FNBP1: variants seen among roughly 807,000 people sequenced by gnomAD.
The protein encoded by FNBP1 is formin binding protein 1, also known as formin-binding protein 1.
FNBP1 carries 26 observed loss-of-function variants against 90.6 expected under a neutral mutation model. The observed-to-expected ratio is 0.29, with a 90% CI of 0.21 to 0.40. The LOEUF (loss-of-function observed/expected upper bound fraction) is 0.40. Ranked by LOEUF, FNBP1 falls within the 10% of genes least tolerant of loss-of-function variation. The pLI is 1.00. For missense variants in FNBP1, 635 were observed against 768.0 expected (o/e 0.83, Z 2.05); for synonymous variants, 260 against 265.2 (o/e 0.98, Z 0.19).
chr9:129,891,925 G>A (rs1322198824), intron 16 of FNBP1, among the ~76,000 whole-genome samples: 1 of 152,064 alleles, frequency 6.6e-6, no homozygotes, highest in Non-Finnish European at 1.5e-5. Flanking sequence ...AGATACGAGG[G>A]TACAACTAAA....
intron 1 of FNBP1, among the ~76,000 whole-genome samples, chr9:130,005,406 A>G (rs2055539107): frequency 7.1e-6 from 1 of 140,028 alleles, no homozygotes; most frequent in Admixed American, 7.5e-5. Context: ...CAGTGGTGCG[A>G]TCTCAGCTCA....
intron 1 of FNBP1, among the ~76,000 whole-genome samples, chr9:129,996,425 T>G (rs956505587): frequency 6.6e-6 from 1 of 151,934 alleles, no homozygotes; most frequent in African/African-American, 2.4e-5. Flanking sequence ...CCATGGAAAA[T>G]TTGCTGCCTC....
At chr9:129,905,654 C>G (rs574513631) in intron 12 of FNBP1, among the ~76,000 whole-genome samples, 1 of 147,844 alleles carries the variant, frequency 6.8e-6, no homozygotes, top group African/African-American at 2.4e-5. Context: ...TTTCCGACTT[C>G]TTGAGATAGA....
At chr9:130,000,438 C>T (rs1288936380) in intron 1 of FNBP1, among the ~76,000 whole-genome samples, 2 of 151,914 alleles carry the variant, frequency 1.3e-5, no homozygotes, top group Non-Finnish European at 2.9e-5. Context: ...TTGCTGATCT[C>T]GGCTGAGCTG....
At chr9:129,897,781 A>G (rs2036049485) in intron 15 of FNBP1, among the ~76,000 whole-genome samples, 1 of 151,854 alleles carries the variant, frequency 6.6e-6, no homozygotes, top group Non-Finnish European at 1.5e-5. Context: ...AACGCTCTGC[A>G]GGACATCGTT....
intron 1 of FNBP1, among the ~76,000 whole-genome samples, chr9:130,021,502 G>A (rs2057821220): frequency 6.6e-6 from 1 of 152,160 alleles, no homozygotes; most frequent in South Asian, 2.1e-4. Context: ...ACTAAATACT[G>A]GTTTTAGTAG....
chr9:129,996,996 G>A (rs2054105876), intron 1 of FNBP1, among the ~76,000 whole-genome samples: 1 of 151,820 alleles, frequency 6.6e-6, no homozygotes, highest in South Asian at 2.1e-4. Context: ...CCTCCGGCCG[G>A]CCTGTTTTTT....
Position 129,957,100 on chromosome 9 carries a change from T to G in FNBP1, c.513+260A>C, listed in dbSNP as rs1227091376. Among the ~76,000 whole-genome samples the G allele has an allele frequency of 1.3e-5, 2 of 150,098 alleles. No homozygotes were observed. Among genetic ancestry groups the G allele is most frequent in the Non-Finnish European group, 3.0e-5 (2 of 67,510 alleles). ...TTACCCAGGCTGGAGTGCAGTGGCG[T>G]GATCTTGGCTCACTGCAGCCAACGC... On this transcript the variant is annotated intron_variant, in intron 6 of 16. Transcript: ENST00000446176. The surrounding 1 kb of genome is among the most constrained non-coding windows in gnomAD (Gnocchi z 4.3).
intron 5 of FNBP1, among the ~76,000 whole-genome samples, chr9:129,958,079 T>C (rs1486031326): frequency 6.6e-6 from 1 of 152,216 alleles, no homozygotes; most frequent in Non-Finnish European, 1.5e-5. Flanking sequence ...TTTATGTGCA[T>C]GTTTTTTACT....
At chr9:130,008,729 C>T (rs998508705) in intron 1 of FNBP1, among the ~76,000 whole-genome samples, 1 of 152,146 alleles carries the variant, frequency 6.6e-6, no homozygotes, top group Non-Finnish European at 1.5e-5. Context: ...TGGTCTCTTT[C>T]CCAAGCTTGA....
chr9:130,020,438 G>T (rs573509680), intron 1 of FNBP1, among the ~76,000 whole-genome samples: 8 of 152,200 alleles, frequency 5.3e-5, no homozygotes, highest in Admixed American at 3.9e-4. Flanking sequence ...TCGAACTCCT[G>T]GTCTCAAGTG....
chr9:129,999,785 T>C (rs1388560332), intron 1 of FNBP1, among the ~76,000 whole-genome samples: 2 of 152,132 alleles, frequency 1.3e-5, no homozygotes, highest in Non-Finnish European at 2.9e-5. Context: ...AAACTGTACT[T>C]TCCAAAACAA....
chr9:130,033,763 C>A (rs149112825), intron 1 of FNBP1, among the ~76,000 whole-genome samples: 3 of 147,124 alleles, frequency 2.0e-5, no homozygotes, highest in African/African-American at 7.5e-5. Flanking sequence ...GAGGCCGAGG[C>A]GGGCGGATCA....
At chr9:129,937,639 G>A (rs563796790) in intron 6 of FNBP1, among the ~76,000 whole-genome samples, 68 of 151,846 alleles carry the variant, frequency 4.5e-4, no homozygotes, top group Middle Eastern at 3.4e-3. Flanking sequence ...GCTGAGGCAC[G>A]AGAATCGCTT....
At position 129,926,641 on chromosome 9, in the gene FNBP1, C is replaced by T. The variant is rs2041953193; in HGVS notation, c.789+554G>A. 2.0e-5 allele frequency among the ~76,000 whole-genome samples: 3 copies of T among 152,098 alleles called. 1 individual carries two copies. In the South Asian group the frequency reaches 6.2e-4, roughly 31 times the overall value. On this transcript the variant is annotated intron_variant, in intron 8 of 16. Coordinates refer to ENST00000446176, the MANE Select transcript of FNBP1 (RefSeq NM_015033.3). The stretch of plus-strand genomic sequence containing the variant: ...GTGGTTCACACCTGTAATCCTAACA[C>T]TTTGGGAGGCTGAGGCGGGCGGATT...
At chr9:130,027,112 G>A (rs2058420195) in intron 1 of FNBP1, among the ~76,000 whole-genome samples, 1 of 152,098 alleles carries the variant, frequency 6.6e-6, no homozygotes, top group Non-Finnish European at 1.5e-5. Context: ...AAAGGAAATT[G>A]CAATGAAATG....
At chr9:129,988,415 A>G (rs1369887049) in intron 2 of FNBP1, among the ~76,000 whole-genome samples, 1 of 152,200 alleles carries the variant, frequency 6.6e-6, no homozygotes, top group Admixed American at 6.5e-5. Context: ...GCGGTGGCTC[A>G]TGCCTGTAAT....
At chr9:130,016,459 T>G (rs1336930246) in intron 1 of FNBP1, among the ~76,000 whole-genome samples, 1 of 152,150 alleles carries the variant, frequency 6.6e-6, no homozygotes, top group Non-Finnish European at 1.5e-5. Flanking sequence ...AAATATTTGC[T>G]GAGGCCGGGC....
In FNBP1 at chr9:129,895,274, A is replaced by G. The variant is rs184784363; in HGVS notation, c.1846+564T>C. 1.3e-4 allele frequency: 137 copies of G among 1,058,446 alleles called. 1 individual carries two copies. The Middle Eastern group carries it at 1.7e-3, about 13-fold the overall frequency. 65.6% of individuals were successfully genotyped at this position (1,058,446 alleles called of 1,614,324 possible). On this transcript the variant is annotated intron_variant, in intron 16 of 16. Coordinates refer to ENST00000446176, the MANE Select transcript of FNBP1 (RefSeq NM_015033.3). Reference sequence around the variant, plus strand: ...AAAAACACACACTTTTGGTGCCAATATAAGAATCTTATTTACTGCTTTAGT... The same window carrying G: ...AAAAACACACACTTTTGGTGCCAATGTAAGAATCTTATTTACTGCTTTAGT...
Sources: gnomAD v4.1 joint callset for allele counts (sites outside exome capture counted in the v4.1 genomes callset) on GRCh38, gnomAD v4.1.1 for gene constraint, Gnocchi (gnomAD v3.1) non-coding constraint, MANE v1.5 for transcripts, NCBI Gene and HGNC (gene_info 2026-07-23, HGNC 2026-07-21) for gene names.